ANXA4: variants seen among roughly 807,000 people sequenced by gnomAD.
The protein encoded by ANXA4 is annexin A4, also known as 35-beta calcimedin.
A neutral mutation model predicts 49.8 loss-of-function variants in ANXA4; 39 were observed. The observed-to-expected ratio is 0.78, with a 90% confidence interval of 0.61 to 1.02. The LOEUF is 1.02. Ranked by LOEUF, ANXA4 falls within the 50% of genes least tolerant of loss-of-function variation. The pLI is 0.00. For synonymous variants in ANXA4, 134 were observed against 152.5 expected, an observed-to-expected ratio of 0.88 and a Z score of 0.89; for missense variants, 360 against 410.1, an observed-to-expected ratio of 0.88 and a Z score of 1.05.
At chr2:69,818,558 G>GT in intron 9 of ANXA4, 41 bp from the exon 10 acceptor site, 2 of 1,399,772 alleles carry the variant, frequency 1.4e-6, no homozygotes, top group Non-Finnish European at 2.0e-6. Flanking sequence ...AGTTTCCTCT[G>GT]TTTTTTCTTC....
At chr2:69,679,595 A>G (rs545358381) in intron 2 of ANXA4, among the ~76,000 whole-genome samples, 17 of 152,018 alleles carry the variant, frequency 1.1e-4, no homozygotes, top group South Asian at 8.3e-4. Context: ...CCTGTGTCCT[A>G]AAGTGTTTTC....
At chr2:69,789,525 GCAGACAGACACA>G (rs1463735552) in intron 3 of ANXA4, among the ~76,000 whole-genome samples, 1 of 152,118 alleles carries the variant, frequency 6.6e-6, no homozygotes, top group Admixed American at 6.6e-5. Context: ...GATTGAGGTT[GCAGACAGACACA>G]CACACAGTGA....
At chr2:69,685,254 C>A (rs1677746982) in intron 2 of ANXA4, among the ~76,000 whole-genome samples, 1 of 152,050 alleles carries the variant, frequency 6.6e-6, no homozygotes, top group South Asian at 2.1e-4. Flanking sequence ...CAAGTCAGGG[C>A]TAATTTATCT....
chr2:69,796,363 A>G (rs1452341804), intron 3 of ANXA4, among the ~76,000 whole-genome samples: 1 of 152,124 alleles, frequency 6.6e-6, no homozygotes, highest in Non-Finnish European at 1.5e-5. Flanking sequence ...CCCAGTCCCT[A>G]TGGTAAAAGA....
chr2:69,702,525 C>T (rs1323848005), intron 2 of ANXA4, among the ~76,000 whole-genome samples: 1 of 151,478 alleles, frequency 6.6e-6, no homozygotes, highest in African/African-American at 2.4e-5. Flanking sequence ...AGTTGGAGAC[C>T]AGCCTGGGCA....
Position 69,826,438 on chromosome 2 carries a change from T to C in ANXA4, c.*923T>C, listed in dbSNP as rs1674474903. ...AAACATTCTGAAGATGTACTTGGATTTAATTAAAAAGTTCACTTTGTAAGA... is the reference window on the plus strand; with the variant it reads ...AAACATTCTGAAGATGTACTTGGATCTAATTAAAAAGTTCACTTTGTAAGA... On this transcript the variant is annotated 3_prime_UTR_variant, in exon 13 of 13. Coordinates refer to ENST00000394295, the MANE Select transcript of ANXA4 (RefSeq NM_001153.5). 6.6e-6 allele frequency: 1 copy of C among 152,640 alleles called. No individual in the cohort carries two copies. Among genetic ancestry groups the C allele is most frequent in the Non-Finnish European group, 1.5e-5 (1 of 68,042 alleles). 9.5% of individuals were successfully genotyped at this position (152,640 alleles called of 1,614,324 possible). A position where few individuals can be genotyped will look rare whatever the true frequency, so the allele number is the denominator to read the frequency against.
chr2:69,809,659 G>A (rs1673607517), intron 6 of ANXA4: 2 of 151,954 alleles, frequency 1.3e-5, no homozygotes, highest in African/African-American at 2.4e-5. Context: ...TGTATTTTTT[G>A]TAGAGATGGG....
intron 2 of ANXA4, among the ~76,000 whole-genome samples, chr2:69,693,047 G>A (rs1166486404): frequency 6.6e-6 from 1 of 152,118 alleles, no homozygotes; most frequent in African/African-American, 2.4e-5. Flanking sequence ...GAAACACTGG[G>A]TTATATTAGG....
At chr2:69,700,625 A>G (rs956942152) in intron 2 of ANXA4, among the ~76,000 whole-genome samples, 3 of 152,176 alleles carry the variant, frequency 2.0e-5, no homozygotes, top group African/African-American at 7.2e-5. Context: ...GTGGCATGCT[A>G]TTGCCTTGAT....
chr2:69,665,765 C>G (rs1456542563), intron 2 of ANXA4, among the ~76,000 whole-genome samples: 1 of 152,100 alleles, frequency 6.6e-6, no homozygotes, highest in Non-Finnish European at 1.5e-5. Context: ...ATTAAGAACT[C>G]TTCAAAACAC....
At chr2:69,665,645 AAG>A (rs1168586167) in intron 2 of ANXA4, among the ~76,000 whole-genome samples, 1 of 152,150 alleles carries the variant, frequency 6.6e-6, no homozygotes, top group Non-Finnish European at 1.5e-5. Flanking sequence ...AAGGCATGTA[AAG>A]AGGGGAATTT....
intron 1 of ANXA4, among the ~76,000 whole-genome samples, chr2:69,776,488 CT>C (rs1671966561): frequency 6.6e-6 from 1 of 152,168 alleles, no homozygotes; most frequent in Non-Finnish European, 1.5e-5. Flanking sequence ...CACTTTTTCA[CT>C]TCTAGCACCA....
At chr2:69,817,907 G>A (rs1215665103) in intron 9 of ANXA4, 1 of 152,216 alleles carries the variant, frequency 6.6e-6, no homozygotes, top group African/African-American at 2.4e-5. Flanking sequence ...TGGGTCAACT[G>A]CTCACGTGTT....
rs1220167906 is a variant in ANXA4 at position 69,720,086 on chromosome 2, C to T, written n.767-688C>T. ...TCTCATTCAGATTAGGAACGAGCTCCCCCTCCAAATAAGCAAGCAGACTAG... is the reference window on the plus strand; with the variant it reads ...TCTCATTCAGATTAGGAACGAGCTCTCCCTCCAAATAAGCAAGCAGACTAG... On this transcript the variant is annotated intron_variant and non_coding_transcript_variant, in intron 2 of 3. Coordinates refer to the ANXA4 transcript ENST00000418066. Among the ~76,000 whole-genome samples, 3 of 152,076 alleles carry T rather than the reference C, an allele frequency of 2.0e-5. No homozygotes were observed. The South Asian group carries it at 6.2e-4, about 32-fold the overall frequency.
chr2:69,785,318 A>G (rs915298644), intron 2 of ANXA4, among the ~76,000 whole-genome samples: 2 of 152,180 alleles, frequency 1.3e-5, no homozygotes, highest in Non-Finnish European at 2.9e-5. Context: ...AACTGTGCTA[A>G]GGGTATAAAA....
intron 3 of ANXA4, among the ~76,000 whole-genome samples, chr2:69,731,792 A>G (rs1670104548): frequency 6.6e-6 from 1 of 152,104 alleles, no homozygotes; most frequent in Admixed American, 6.5e-5. Flanking sequence ...TGAACTTTAT[A>G]CTGATATGAT....
At chr2:69,757,533 A>G (rs1181254280) in intron 1 of ANXA4, among the ~76,000 whole-genome samples, 3 of 146,926 alleles carry the variant, frequency 2.0e-5, no homozygotes, top group Non-Finnish European at 4.5e-5. Context: ...TCGGCCTCCC[A>G]AAGTTCTGGG....
intron 1 of ANXA4, among the ~76,000 whole-genome samples, chr2:69,775,545 T>C (rs1671928453): frequency 6.6e-6 from 1 of 152,156 alleles, no homozygotes; most frequent in Non-Finnish European, 1.5e-5. Context: ...AAAGTTTGTT[T>C]TGGCTCATGC....
At chr2:69,709,148 A>AT (rs1678596655) in intron 2 of ANXA4, among the ~76,000 whole-genome samples, 1 of 152,118 alleles carries the variant, frequency 6.6e-6, no homozygotes, top group South Asian at 2.1e-4. Flanking sequence ...AGTTCCTTAA[A>AT]TTTTTTCCTC....
Sources: gnomAD v4.1 joint callset for allele counts (sites outside exome capture counted in the v4.1 genomes callset) on GRCh38, gnomAD v4.1.1 for gene constraint, MANE v1.5 for transcripts, NCBI Gene and HGNC (gene_info 2026-07-23, HGNC 2026-07-21) for gene names.